PLCXD3: variants seen among roughly 807,000 people sequenced by gnomAD.
PLCXD3 encodes the protein PI-PLC X domain-containing protein 3.
PLCXD3 carries 19 observed loss-of-function variants against 25.5 expected under a neutral mutation model. The observed-to-expected ratio is 0.75, with a 90% CI of 0.52 to 1.09. The LOEUF is 1.09. Ranked by LOEUF, PLCXD3 falls within the 50% of genes least tolerant of loss-of-function variation. PLCXD3 has a pLI of 0.00. For missense variants in PLCXD3, 411 were observed against 388.1 expected (o/e 1.06, Z -0.50); for synonymous variants, 174 against 137.6 (o/e 1.26, Z -1.85).
intron 1 of PLCXD3, among the ~76,000 whole-genome samples, chr5:41,447,494 A>G (rs1481193928): frequency 6.6e-6 from 1 of 152,192 alleles, no homozygotes; most frequent in East Asian, 1.9e-4. Context: ...GGTGAGAGAG[A>G]GAGATTTGTT....
intron 1 of PLCXD3, among the ~76,000 whole-genome samples, chr5:41,499,499 G>T (rs149273680): frequency 6.6e-6 from 1 of 151,528 alleles, no homozygotes; most frequent in Non-Finnish European, 1.5e-5. Context: ...TAAAGAACAC[G>T]CAAACAAATG....
At chr5:41,455,564 G>A (rs868175625) in intron 1 of PLCXD3, among the ~76,000 whole-genome samples, 1 of 151,834 alleles carries the variant, frequency 6.6e-6, no homozygotes, top group Non-Finnish European at 1.5e-5. Flanking sequence ...TGAAGAGAAA[G>A]GGAGTACATA....
At chr5:41,390,449 G>T (rs1167140902) in intron 1 of PLCXD3, among the ~76,000 whole-genome samples, 2 of 152,050 alleles carry the variant, frequency 1.3e-5, no homozygotes, top group African/African-American at 2.4e-5. Context: ...CAAAAAGATT[G>T]TCTCATTTTA....
chr5:41,474,484 C>T (rs1748237177), intron 1 of PLCXD3, among the ~76,000 whole-genome samples: 1 of 152,088 alleles, frequency 6.6e-6, no homozygotes, highest in Non-Finnish European at 1.5e-5. Flanking sequence ...AACATTTCTC[C>T]CTTTTTGTTT....
chr5:41,403,401 G>GTTTTTTTGTTTTTTTTT (rs1746251776), intron 1 of PLCXD3, among the ~76,000 whole-genome samples: 1 of 18,412 alleles, frequency 5.4e-5, no homozygotes, highest in Non-Finnish European at 1.4e-4. Context: ...CTTATTTGTT[G>GTTTTTTTGTTTTTTTTT]TTTTTTTTTT....
intron 1 of PLCXD3, among the ~76,000 whole-genome samples, chr5:41,463,558 T>C (rs1043387007): frequency 2.6e-5 from 4 of 152,104 alleles, no homozygotes; most frequent in African/African-American, 9.6e-5. Flanking sequence ...AGAATATAAC[T>C]GTTTCTCATG....
At chr5:41,389,953 C>G (rs1399776511) in intron 1 of PLCXD3, among the ~76,000 whole-genome samples, 1 of 152,104 alleles carries the variant, frequency 6.6e-6, no homozygotes, top group African/African-American at 2.4e-5. Context: ...AATCAAGATA[C>G]AGCACATTTC....
chr5:41,493,511 TG>T, intron 1 of PLCXD3, among the ~76,000 whole-genome samples: 1 of 152,356 alleles, frequency 6.6e-6, no homozygotes, highest in African/African-American at 2.4e-5. Flanking sequence ...GCTGTCTTTT[TG>T]TTTGTCTGTG....
chr5:41,366,433 AGGAGACCATCATTTAT>A (rs1284180208), intron 2 of PLCXD3, among the ~76,000 whole-genome samples: 1 of 152,248 alleles, frequency 6.6e-6, no homozygotes, highest in African/African-American at 2.4e-5. Context: ...GAGCACTTTC[AGGAGACCATCATTTAT>A]ATCTTCAATT....
intron 1 of PLCXD3, among the ~76,000 whole-genome samples, chr5:41,394,082 A>T (rs971420939): frequency 6.6e-6 from 1 of 152,140 alleles, no homozygotes; most frequent in South Asian, 2.1e-4. Flanking sequence ...AACTACAACA[A>T]TGTTTCAAGA....
chr5:41,317,869 AGAAAATAGGCT>A (rs1448191911), intron 2 of PLCXD3, among the ~76,000 whole-genome samples: 1 of 152,136 alleles, frequency 6.6e-6, no homozygotes, highest in Non-Finnish European at 1.5e-5. Context: ...TACAGGATGC[AGAAAATAGGCT>A]GAAAAGACAA....
At chr5:41,471,854 T>C (rs1243511582) in intron 1 of PLCXD3, among the ~76,000 whole-genome samples, 1 of 1,624 alleles carries the variant, frequency 6.2e-4, no homozygotes, top group African/African-American at 1.5e-3. Flanking sequence ...TCCCCTCCCC[T>C]CCCTTCCCTT....
chr5:41,354,955 T>C (rs1300440932), intron 2 of PLCXD3, among the ~76,000 whole-genome samples: 2 of 152,224 alleles, frequency 1.3e-5, no homozygotes, highest in African/African-American at 4.8e-5. Context: ...AATGCCACAT[T>C]ACAGCACACA....
intron 1 of PLCXD3, among the ~76,000 whole-genome samples, chr5:41,392,396 A>G (rs571202764): frequency 6.6e-6 from 1 of 152,316 alleles, no homozygotes; most frequent in Admixed American, 6.5e-5. Flanking sequence ...AAAGTAAGAG[A>G]AGAGAACAAG....
chr5:41,462,262 T>C (rs1333458982), intron 1 of PLCXD3, among the ~76,000 whole-genome samples: 1 of 152,012 alleles, frequency 6.6e-6, no homozygotes, highest in Non-Finnish European at 1.5e-5. Context: ...CATTTTACAC[T>C]TATCAGATTG....
chr5:41,312,853 T>C lies in PLCXD3; in HGVS notation c.*764A>G, dbSNP rs1743176227. ...TTTACTGGGTACTTGCAGGGCAATA[T>C]TATTTAAGAGATTGCCAAATTAAAA... On this transcript the variant is annotated 3_prime_UTR_variant, in exon 3 of 3. Transcript: ENST00000377801. 6.6e-6 allele frequency: 1 copy of C among 152,542 alleles called. No individual in the cohort carries two copies. Among genetic ancestry groups the C allele is most frequent in the Non-Finnish European group, 1.5e-5 (1 of 68,020 alleles). 9.4% of individuals were successfully genotyped at this position (152,542 alleles called of 1,614,324 possible).
chr5:41,431,018 C>T (rs746677012), intron 1 of PLCXD3, among the ~76,000 whole-genome samples: 1 of 152,098 alleles, frequency 6.6e-6, no homozygotes, highest in Non-Finnish European at 1.5e-5. Context: ...GTCTTGGAAA[C>T]ATGTGAGAAA....
chr5:41,505,229 G>A lies in PLCXD3; in HGVS notation c.103+5195C>T, dbSNP rs112201909. Among the ~76,000 whole-genome samples the A allele has an allele frequency of 8.3e-3, 1,263 of 151,464 alleles. 14 individuals carry two copies. Among genetic ancestry groups the A allele is most frequent in the African/African-American group, 0.029 (1,181 of 41,264 alleles). ...GAGCTGTGTGTGAGTGTGTGTGCAT[G>A]TGTGTGTGTGTGTGAAGTTTAACTA... On this transcript the variant is annotated intron_variant, in intron 1 of 2. Transcript: ENST00000377801.
chr5:41,448,609 G>A (rs1373424776), intron 1 of PLCXD3, among the ~76,000 whole-genome samples: 8 of 152,060 alleles, frequency 5.3e-5, no homozygotes, highest in East Asian at 1.9e-4. Context: ...TATCTAAAAC[G>A]GAACAACTCA....
Sources: gnomAD v4.1 joint callset for allele counts (sites outside exome capture counted in the v4.1 genomes callset) on GRCh38, gnomAD v4.1.1 for gene constraint, MANE v1.5 for transcripts, NCBI Gene and HGNC (gene_info 2026-07-23, HGNC 2026-07-21) for gene names.